TOX: variants seen among roughly 807,000 people sequenced by gnomAD.
TOX encodes the protein thymocyte selection associated high mobility group box, also known as thymocyte selection-associated high mobility group box protein TOX.
In TOX, 11 loss-of-function variants were observed where a neutral mutation model predicts 53.7. The observed-to-expected ratio is 0.20, with a 90% CI of 0.13 to 0.34. The LOEUF is 0.34. Among genes scored for constraint, TOX ranks in the 10% least tolerant of loss-of-function variants. The probability of loss-of-function intolerance (pLI) is 1.00; values close to 1 mark genes in which losing one functional copy is unlikely to be tolerated. For missense variants in TOX, 570 were observed against 664.6 expected (o/e 0.86, Z 1.56); for synonymous variants, 225 against 245.3 (o/e 0.92, Z 0.77).
intron 1 of TOX, among the ~76,000 whole-genome samples, chr8:59,092,939 T>C (rs2129423925): frequency 6.6e-6 from 1 of 152,332 alleles, no homozygotes; most frequent in Middle Eastern, 3.4e-3. Flanking sequence ...TATTGTTTTC[T>C]TTAGAAGCAG....
At chr8:58,900,228 AC>A (rs1175661257) in intron 3 of TOX, among the ~76,000 whole-genome samples, 1 of 152,160 alleles carries the variant, frequency 6.6e-6, no homozygotes, top group Non-Finnish European at 1.5e-5. Flanking sequence ...ATTTTTTTCA[AC>A]CACAGCATAT....
At chr8:58,841,172 T>G (rs1810635232) in intron 4 of TOX, among the ~76,000 whole-genome samples, 1 of 152,228 alleles carries the variant, frequency 6.6e-6, no homozygotes, top group African/African-American at 2.4e-5. Context: ...ACATCTCTAT[T>G]TGCAAGTCTC....
intron 1 of TOX, among the ~76,000 whole-genome samples, chr8:59,020,956 T>A (rs1054905189): frequency 6.6e-6 from 1 of 151,410 alleles, no homozygotes. Flanking sequence ...CTACAAAAAA[T>A]AAAAAAGAAT....
chr8:58,985,888 C>T (rs1345274241), intron 1 of TOX, among the ~76,000 whole-genome samples: 3 of 152,116 alleles, frequency 2.0e-5, no homozygotes, highest in African/African-American at 7.2e-5. Context: ...TTGCAAGAAA[C>T]CTCCCATTTT....
At chr8:59,111,657 T>C (rs576624585) in intron 1 of TOX, among the ~76,000 whole-genome samples, 2 of 152,192 alleles carry the variant, frequency 1.3e-5, no homozygotes, top group East Asian at 1.9e-4. Context: ...CAAAGTGGCA[T>C]CAAAGACTTC....
At chr8:58,808,719 T>C (rs1810029364) in intron 7 of TOX, among the ~76,000 whole-genome samples, 1 of 152,228 alleles carries the variant, frequency 6.6e-6, no homozygotes, top group African/African-American at 2.4e-5. Context: ...ACTACACCTA[T>C]TCACATATTG....
intron 3 of TOX, among the ~76,000 whole-genome samples, chr8:58,854,094 A>G (rs559060407): frequency 1.3e-5 from 2 of 152,314 alleles, no homozygotes. Context: ...TAAAGCACTA[A>G]TGTGCATATT....
At chr8:59,040,733 T>C (rs1803567412) in intron 1 of TOX, among the ~76,000 whole-genome samples, 1 of 152,172 alleles carries the variant, frequency 6.6e-6, no homozygotes, top group South Asian at 2.1e-4. Context: ...CCAAGGGTAG[T>C]TCAGGAAGAA....
At chr8:59,062,555 G>A (rs143574756) in intron 1 of TOX, among the ~76,000 whole-genome samples, 124 of 152,306 alleles carry the variant, frequency 8.1e-4, no homozygotes, top group African/African-American at 2.7e-3. Context: ...TGCTTCAATA[G>A]AATGGCTCTT....
chr8:58,977,394 G>A (rs1167541424), intron 1 of TOX, among the ~76,000 whole-genome samples: 1 of 152,182 alleles, frequency 6.6e-6, no homozygotes, highest in Non-Finnish European at 1.5e-5. Flanking sequence ...GGAATGCAGT[G>A]GCTGCTTTGA....
chr8:58,967,433 C>T (rs984302205), intron 1 of TOX, among the ~76,000 whole-genome samples: 4 of 152,164 alleles, frequency 2.6e-5, no homozygotes, highest in African/African-American at 9.7e-5. Flanking sequence ...GCTCAGCCTG[C>T]CTGACCCTCA....
chr8:58,838,027 CAG>C, intron 5 of TOX, 52 bp downstream of exon 5: 1 of 1,557,148 alleles, frequency 6.4e-7, no homozygotes, highest in Non-Finnish European at 8.8e-7. Context: ...GCCATTTCTT[CAG>C]ACTGCACAAT....
chr8:59,030,719 G>C lies in TOX; in HGVS notation c.103-70711C>G, dbSNP rs189294436. Among the ~76,000 whole-genome samples, 20 of 152,254 alleles carry C rather than the reference G, an allele frequency of 1.3e-4. No homozygotes were observed. The East Asian group carries it at 3.9e-3, about 29-fold the overall frequency. On this transcript the variant is annotated intron_variant, in intron 1 of 8. Coordinates refer to ENST00000361421, the MANE Select transcript of TOX (RefSeq NM_014729.3). ...TCAAAGCATTCAACATGTTCCAACG[G>C]TAATAAAACATGATTGATAACAGAC...
At chr8:58,970,672 T>C (rs1026759195) in intron 1 of TOX, among the ~76,000 whole-genome samples, 3 of 152,238 alleles carry the variant, frequency 2.0e-5, no homozygotes, top group Non-Finnish European at 4.4e-5. Flanking sequence ...ACCTCTTTCC[T>C]ATATTGAACT....
chr8:58,997,548 G>A lies in TOX; in HGVS notation c.103-37540C>T, dbSNP rs184530156. On this transcript the variant is annotated intron_variant, in intron 1 of 8. Coordinates refer to ENST00000361421, the MANE Select transcript of TOX (RefSeq NM_014729.3). Reference sequence around the variant, plus strand: ...TCATCAGCCTGCCAAGTGCGCCTGGGTGGTCAGTGTCACTAAGTTAGTTAT... The same window carrying A: ...TCATCAGCCTGCCAAGTGCGCCTGGATGGTCAGTGTCACTAAGTTAGTTAT... Among the ~76,000 whole-genome samples, 5 of 152,280 alleles carry A rather than the reference G, an allele frequency of 3.3e-5. No individual in the cohort carries two copies. The East Asian group carries it at 7.7e-4, about 24-fold the overall frequency.
At position 58,891,365 on chromosome 8, in the gene TOX, T is replaced by A. The variant is rs192953434; in HGVS notation, c.412-39560A>T. Among the ~76,000 whole-genome samples the A allele has an allele frequency of 6.9e-5, 10 of 145,866 alleles. No homozygotes were observed. In the East Asian group the frequency reaches 1.0e-3, roughly 15 times the overall value. ...AAGAAAATAAAGAGCAGGGGAGGAG[T>A]TTTCTTCCACAGAAGCCAAAGGGAA... On this transcript the variant is annotated intron_variant, in intron 3 of 8. Transcript: ENST00000361421.
At chr8:58,867,751 G>A (rs16924147) in intron 3 of TOX, among the ~76,000 whole-genome samples, 3,820 of 152,212 alleles carry the variant, frequency 0.025, 173 homozygotes, top group African/African-American at 0.084. Flanking sequence ...AGCAGGGCAC[G>A]AATTTGCACA....
chr8:59,058,857 A>C (rs549223251), intron 1 of TOX, among the ~76,000 whole-genome samples: 279 of 152,312 alleles, frequency 1.8e-3, no homozygotes, highest in Non-Finnish European at 3.1e-3. Flanking sequence ...ATCTATTAAA[A>C]GGTCAGAGTT....
At chr8:59,061,862 G>A (rs1384674955) in intron 1 of TOX, among the ~76,000 whole-genome samples, 2 of 152,036 alleles carry the variant, frequency 1.3e-5, no homozygotes, top group Non-Finnish European at 2.9e-5. Flanking sequence ...AGGGAGGAAG[G>A]CAACAGCAGA....
Sources: gnomAD v4.1 joint callset for allele counts (sites outside exome capture counted in the v4.1 genomes callset) on GRCh38, gnomAD v4.1.1 for gene constraint, MANE v1.5 for transcripts, NCBI Gene and HGNC (gene_info 2026-07-23, HGNC 2026-07-21) for gene names.